Variants in CFAP95 observed in about 807,000 individuals in gnomAD.
CFAP95 encodes cilia and flagella associated protein 95, also known as cilia- and flagella-associated protein 95.
At chr9:69,877,854 G>A in the CFAP95 span, among the ~76,000 whole-genome samples, 1 of 152,134 alleles carries the variant, frequency 6.6e-6, no homozygotes, top group Non-Finnish European at 1.5e-5. Flanking sequence ...GCTAATGGAG[G>A]ACTTCTGTGA....
the CFAP95 span, among the ~76,000 whole-genome samples, chr9:69,841,051 A>T: frequency 6.6e-6 from 1 of 151,132 alleles, no homozygotes; most frequent in Non-Finnish European, 1.5e-5. Context: ...CCACATACTG[A>T]CTTTCACAGA....
the CFAP95 span, among the ~76,000 whole-genome samples, chr9:69,872,994 TC>T: frequency 6.6e-6 from 1 of 152,034 alleles, no homozygotes; most frequent in Admixed American, 6.6e-5. Flanking sequence ...ACATCACAAA[TC>T]CCCAGACCCA....
At chr9:69,862,294 T>C in the CFAP95 span, among the ~76,000 whole-genome samples, 1 of 152,226 alleles carries the variant, frequency 6.6e-6, no homozygotes, top group Admixed American at 6.5e-5. Context: ...CATAGTTTCT[T>C]TTAGAAAATC....
At chr9:69,906,144 G>T in the CFAP95 span, 1 of 1,587,576 alleles carries the variant, frequency 6.3e-7, no homozygotes, top group South Asian at 1.2e-5. Context: ...TAAAAATAAT[G>T]TATAGAATCA....
At chr9:69,834,115 C>G in the CFAP95 span, among the ~76,000 whole-genome samples, 2 of 152,050 alleles carry the variant, frequency 1.3e-5, no homozygotes, top group African/African-American at 4.8e-5. Flanking sequence ...TTGTTTTGGA[C>G]GGGGGCAGGC....
At chr9:69,823,095 T>A in the CFAP95 span, among the ~76,000 whole-genome samples, 1 of 152,100 alleles carries the variant, frequency 6.6e-6, no homozygotes, top group African/African-American at 2.4e-5. Flanking sequence ...TGACTTACAG[T>A]TCAGCAGGTC....
chr9:69,865,073 A>G, the CFAP95 span, among the ~76,000 whole-genome samples: 90,567 of 151,776 alleles, frequency 0.6, 27,313 homozygotes, highest in East Asian at 0.82. Context: ...CATGGGGGCA[A>G]TTTCCTCCAT....
At chr9:69,868,249 T>G in the CFAP95 span, among the ~76,000 whole-genome samples, 6 of 143,820 alleles carry the variant, frequency 4.2e-5, no homozygotes, top group Admixed American at 4.3e-4. Context: ...GAAAACCTTC[T>G]TGACATTGGT....
the CFAP95 span, chr9:69,856,565 C>T: frequency 6.2e-7 from 1 of 1,601,492 alleles, no homozygotes. Flanking sequence ...ATTTGGACAT[C>T]AGAAACACAT....
At chr9:69,901,832 A>G in the CFAP95 span, among the ~76,000 whole-genome samples, 1 of 152,128 alleles carries the variant, frequency 6.6e-6, no homozygotes, top group Admixed American at 6.5e-5. Flanking sequence ...CTATTTCTCC[A>G]CATCCTCTCC....
chr9:69,904,864 A>G, the CFAP95 span, among the ~76,000 whole-genome samples: 1 of 152,182 alleles, frequency 6.6e-6, no homozygotes, highest in Non-Finnish European at 1.5e-5. Flanking sequence ...TATAGTTGAT[A>G]TTTATTTTCA....
At chr9:69,833,388 T>TA in the CFAP95 span, among the ~76,000 whole-genome samples, 1 of 152,214 alleles carries the variant, frequency 6.6e-6, no homozygotes, top group South Asian at 2.1e-4. Context: ...TTTTAGTAGA[T>TA]ACGGGGTTTC....
At chr9:69,876,503 A>G in the CFAP95 span, among the ~76,000 whole-genome samples, 9 of 152,240 alleles carry the variant, frequency 5.9e-5, 1 homozygote, top group East Asian at 1.5e-3. Flanking sequence ...ACTGCACTCC[A>G]GCCTGGGGAT....
the CFAP95 span, among the ~76,000 whole-genome samples, chr9:69,838,695 T>C: frequency 6.6e-6 from 1 of 151,488 alleles, no homozygotes; most frequent in East Asian, 1.9e-4. Context: ...CAATTTGACT[T>C]CCTCTTTTCC....
At chr9:69,886,686 A>G in the CFAP95 span, 1 of 586,928 alleles carries the variant, frequency 1.7e-6, no homozygotes, top group East Asian at 2.9e-5. Context: ...AATACTATAT[A>G]CAGAGGCTGG....
At chr9:69,888,649 G>A in the CFAP95 span, among the ~76,000 whole-genome samples, 1 of 152,198 alleles carries the variant, frequency 6.6e-6, no homozygotes, top group African/African-American at 2.4e-5. Flanking sequence ...GCCGAGGCAG[G>A]TGGATCACTT....
At chr9:69,904,741 G>A in the CFAP95 span, among the ~76,000 whole-genome samples, 1 of 152,116 alleles carries the variant, frequency 6.6e-6, no homozygotes, top group Non-Finnish European at 1.5e-5. Flanking sequence ...ACCTCTATTT[G>A]ACCTACCCAC....
chr9:69,842,803 C>A, the CFAP95 span, among the ~76,000 whole-genome samples: 1 of 152,170 alleles, frequency 6.6e-6, no homozygotes, highest in East Asian at 1.9e-4. Flanking sequence ...ATTTAGTGTT[C>A]TGCACTTTGA....
chr9:69,880,496 T>G, the CFAP95 span, among the ~76,000 whole-genome samples: 1 of 152,248 alleles, frequency 6.6e-6, no homozygotes, highest in African/African-American at 2.4e-5. Flanking sequence ...AATCTCATTC[T>G]TTTTAATGGC....
Sources: allele counts gnomAD v4.1 joint callset (sites outside exome capture counted in the v4.1 genomes callset), GRCh38; gene constraint gnomAD v4.1.1; transcripts MANE v1.5; gene names NCBI Gene and HGNC (gene_info 2026-07-23, HGNC 2026-07-21).